Variants in RIMS1 observed in about 807,000 individuals in gnomAD.
The protein encoded by RIMS1 is regulating synaptic membrane exocytosis protein 1.
In RIMS1, 83 loss-of-function variants were observed where a neutral mutation model predicts 214.1. The ratio of observed to expected loss-of-function variants is 0.39; its 90% CI spans 0.32 to 0.47. The LOEUF is 0.47. RIMS1 is among the 20% of genes least tolerant of loss of function. The probability of loss-of-function intolerance (pLI) is 0.99; values close to 1 mark genes in which losing one functional copy is unlikely to be tolerated. For synonymous variants in RIMS1, 793 were observed against 786.8 expected (o/e 1.01, Z -0.13); for missense variants, 2,050 against 2,161.8 (o/e 0.95, Z 1.03).
chr6:72,303,773 TAAG>T (rs1384724797), intron 26 of RIMS1, among the ~76,000 whole-genome samples: 1 of 151,564 alleles, frequency 6.6e-6, no homozygotes, highest in Non-Finnish European at 1.5e-5. Context: ...TGTAAACTAA[TAAG>T]TGCTTTTTGA....
chr6:71,963,605 A>G (rs895703836), intron 1 of RIMS1, among the ~76,000 whole-genome samples: 1 of 152,172 alleles, frequency 6.6e-6, no homozygotes, highest in Non-Finnish European at 1.5e-5. Context: ...CAGTAATTGG[A>G]TATTAAAGAG....
intron 22 of RIMS1, among the ~76,000 whole-genome samples, chr6:72,267,109 GA>G (rs1295879267): frequency 1.3e-5 from 2 of 151,892 alleles, no homozygotes; most frequent in East Asian, 3.9e-4. Flanking sequence ...CTGTGTAATA[GA>G]AAAAAGTGAA....
chr6:72,258,069 A>G, intron 16 of RIMS1, 56 bp from the exon 17 acceptor site: 1 of 1,454,062 alleles, frequency 6.9e-7, no homozygotes. Flanking sequence ...TCCTGTGTTA[A>G]TGTTTGCATT....
chr6:72,068,767 T>C (rs1036653739), intron 2 of RIMS1, among the ~76,000 whole-genome samples: 3 of 151,654 alleles, frequency 2.0e-5, no homozygotes, highest in Non-Finnish European at 4.4e-5. Flanking sequence ...AAAAATTAGC[T>C]GGGCGTGGTG....
intron 4 of RIMS1, among the ~76,000 whole-genome samples, chr6:72,105,866 A>G (rs1200724353): frequency 1.3e-5 from 2 of 152,166 alleles, no homozygotes; most frequent in East Asian, 3.8e-4. Flanking sequence ...ATTTTCTTAT[A>G]AGCCTCAGGT....
chr6:71,903,278 G>A (rs1487445271), intron 1 of RIMS1, among the ~76,000 whole-genome samples: 1 of 152,094 alleles, frequency 6.6e-6, no homozygotes, highest in African/African-American at 2.4e-5. Flanking sequence ...CTAATGATTG[G>A]CGATGTTGAG....
intron 33 of RIMS1, 43 bp downstream of exon 33, chr6:72,399,137 T>C (rs763229166): frequency 1.3e-6 from 2 of 1,504,882 alleles, no homozygotes; most frequent in East Asian, 2.3e-5. Flanking sequence ...AAATGTCTGT[T>C]TTACCCATAC....
chr6:72,257,324 A>T (rs560446988), intron 16 of RIMS1, among the ~76,000 whole-genome samples: 35 of 152,140 alleles, frequency 2.3e-4, no homozygotes, highest in African/African-American at 8.4e-4. Flanking sequence ...TCTTATCTTA[A>T]CTAAATCGCA....
intron 9 of RIMS1, among the ~76,000 whole-genome samples, chr6:72,238,499 G>T (rs201869041): frequency 6.6e-6 from 1 of 151,988 alleles, no homozygotes; most frequent in East Asian, 1.9e-4. Context: ...TATTTTTGTT[G>T]CCCTATAACT....
chr6:72,007,583 T>C (rs1221464047), intron 2 of RIMS1, among the ~76,000 whole-genome samples: 1 of 152,078 alleles, frequency 6.6e-6, no homozygotes, highest in Non-Finnish European at 1.5e-5. Flanking sequence ...TGAAAACAGA[T>C]TAGACGAATG....
At chr6:71,983,888 A>T (rs1039566217) in intron 2 of RIMS1, among the ~76,000 whole-genome samples, 1 of 152,194 alleles carries the variant, frequency 6.6e-6, no homozygotes, top group Non-Finnish European at 1.5e-5. Flanking sequence ...TGTCTGATTA[A>T]AAAACGTATT....
At chr6:72,325,457 A>T (rs1290426791) in intron 28 of RIMS1, among the ~76,000 whole-genome samples, 1 of 150,928 alleles carries the variant, frequency 6.6e-6, no homozygotes. Flanking sequence ...ATATAAATAT[A>T]TATATATAAT....
chr6:72,102,927 C>A (rs1243719699), intron 4 of RIMS1, among the ~76,000 whole-genome samples: 2 of 152,028 alleles, frequency 1.3e-5, no homozygotes, highest in South Asian at 2.1e-4. Context: ...GCATATGATC[C>A]TAATTTACAA....
At chr6:72,125,390 G>A (rs2039299462) in intron 4 of RIMS1, among the ~76,000 whole-genome samples, 1 of 152,174 alleles carries the variant, frequency 6.6e-6, no homozygotes. Context: ...TGTATGAGGT[G>A]TCAGTCGACC....
intron 4 of RIMS1, among the ~76,000 whole-genome samples, chr6:72,149,805 T>C: frequency 6.6e-6 from 1 of 152,234 alleles, no homozygotes. Context: ...GAGCCTTTCT[T>C]GGCCCTAGGC....
chr6:71,957,894 A>G (rs12664597), intron 1 of RIMS1, among the ~76,000 whole-genome samples: 7,859 of 142,482 alleles, frequency 0.055, 557 homozygotes, highest in East Asian at 0.19. Flanking sequence ...ATTAAATTTT[A>G]ATTAAAAATT....
At chr6:72,392,879 T>A in intron 31 of RIMS1, 69 bp downstream of exon 31, 3 of 1,088,794 alleles carry the variant, frequency 2.8e-6, no homozygotes, top group Non-Finnish European at 4.2e-6. Context: ...TTAAAATATT[T>A]AAAATTGTGT....
At chr6:72,195,533 T>C (rs2050719573) in intron 6 of RIMS1, among the ~76,000 whole-genome samples, 2 of 151,244 alleles carry the variant, frequency 1.3e-5, no homozygotes, top group East Asian at 3.9e-4. Context: ...GTGTAGATTG[T>C]GGCAATATGA....
intron 4 of RIMS1, among the ~76,000 whole-genome samples, chr6:72,106,148 T>C (rs777293799): frequency 6.6e-6 from 1 of 152,174 alleles, no homozygotes; most frequent in African/African-American, 2.4e-5. Flanking sequence ...TATGCAATAG[T>C]TTTTTCATAT....
Sources: allele counts gnomAD v4.1 joint callset (sites outside exome capture counted in the v4.1 genomes callset), GRCh38; gene constraint gnomAD v4.1.1; transcripts MANE v1.5; gene names NCBI Gene and HGNC (gene_info 2026-07-23, HGNC 2026-07-21).